GRB2: variants seen among roughly 807,000 people sequenced by gnomAD.
The protein encoded by GRB2 is growth factor receptor-bound protein 2.
Under a neutral mutation model 27.4 loss-of-function variants are expected in GRB2, and 2 were observed. That is an observed-to-expected ratio of 0.07 (90% CI 0.03 to 0.23). GRB2 has a LOEUF of 0.23. Among genes scored for constraint, GRB2 ranks in the 10% least tolerant of loss-of-function variants. The probability of loss-of-function intolerance (pLI) is 1.00; values close to 1 mark genes in which losing one functional copy is unlikely to be tolerated. For synonymous variants in GRB2, 94 were observed against 99.6 expected, an observed-to-expected ratio of 0.94 and a Z score of 0.33; for missense variants, 102 against 282.4, an observed-to-expected ratio of 0.36 and a Z score of 4.58.
At chr17:75,332,131 T>C (rs1213728417) in intron 3 of GRB2, among the ~76,000 whole-genome samples, 2 of 152,112 alleles carry the variant, frequency 1.3e-5, no homozygotes, top group African/African-American at 4.8e-5. Context: ...AGGGGTCCAC[T>C]ATGTTGCGTT....
intron 3 of GRB2, among the ~76,000 whole-genome samples, chr17:75,332,378 T>C (rs1240402502): frequency 6.6e-6 from 1 of 152,094 alleles, no homozygotes; most frequent in Non-Finnish European, 1.5e-5. Flanking sequence ...AAGTACCTTT[T>C]CTAAAACTCA....
chr17:75,358,700 T>TA lies in GRB2; in HGVS notation c.79-25904dup, dbSNP rs71159497. Among the ~76,000 whole-genome samples the TA allele has an allele frequency of 4.3e-3, 284 of 66,272 alleles. 16 individuals are homozygous for TA. The highest frequency in any genetic ancestry group is 0.022 in the East Asian group (25 of 1,162). 43.5% of individuals were successfully genotyped at this position (66,272 alleles called of 152,430 possible). On this transcript the variant is annotated intron_variant, in intron 2 of 5. Coordinates refer to ENST00000316804, the MANE Select transcript of GRB2 (RefSeq NM_002086.5). ...CAACATGGCGAAATCCCATCTCTAC[T>TA]AAAAAAAAAAAAAAAAAAAAAAAAA...
At chr17:75,342,307 T>C (rs1000550243) in intron 2 of GRB2, among the ~76,000 whole-genome samples, 10 of 152,186 alleles carry the variant, frequency 6.6e-5, no homozygotes, top group Non-Finnish European at 1.0e-4. Flanking sequence ...TCACAGCTCT[T>C]AGTATGGTAT....
At chr17:75,336,355 T>C (rs1320332403) in intron 2 of GRB2, among the ~76,000 whole-genome samples, 1 of 152,226 alleles carries the variant, frequency 6.6e-6, no homozygotes, top group Non-Finnish European at 1.5e-5. Flanking sequence ...ACTTTTACTG[T>C]ATACACTTGT....
chr17:75,358,102 A>G (rs1161738177), intron 2 of GRB2, among the ~76,000 whole-genome samples: 1 of 152,216 alleles, frequency 6.6e-6, no homozygotes, highest in Non-Finnish European at 1.5e-5. Context: ...TGTAATCTAA[A>G]TGATGGTCTT....
At chr17:75,366,530 T>C (rs922279660) in intron 2 of GRB2, among the ~76,000 whole-genome samples, 16 of 144,984 alleles carry the variant, frequency 1.1e-4, no homozygotes, top group African/African-American at 4.0e-4. Context: ...CCAGCTGCCG[T>C]GGCTCACACT....
At chr17:75,321,601 C>A in intron 5 of GRB2, 58 bp downstream of exon 5, 1 of 1,519,284 alleles carries the variant, frequency 6.6e-7, no homozygotes, top group Non-Finnish European at 9.1e-7. Context: ...TACAGGAATG[C>A]ACACTGAGGA....
rs1300528503 is a variant in GRB2 at position 75,346,387 on chromosome 17, T to A, written c.79-13590A>T. On this transcript the variant is annotated intron_variant, in intron 2 of 5. Coordinates refer to ENST00000316804, the MANE Select transcript of GRB2 (RefSeq NM_002086.5). ...GGCGGGCGCCTGTAGTCCCAGCTAC[T>A]CGGGGGGCTGAGGCAGGAGAATCGC... Among the ~76,000 whole-genome samples, 9 of 151,644 alleles carry A rather than the reference T, an allele frequency of 5.9e-5. No individual in the cohort carries two copies. In the East Asian group the frequency reaches 1.8e-3, roughly 30 times the overall value.
chr17:75,328,317 C>G (rs778528485), intron 3 of GRB2, among the ~76,000 whole-genome samples: 10 of 149,532 alleles, frequency 6.7e-5, no homozygotes, highest in Non-Finnish European at 1.2e-4. Flanking sequence ...GAGTGAGACT[C>G]TGTCTCAAAA....
At chr17:75,334,898 G>A (rs920763171) in intron 2 of GRB2, among the ~76,000 whole-genome samples, 3 of 148,414 alleles carry the variant, frequency 2.0e-5, no homozygotes, top group African/African-American at 7.5e-5. Flanking sequence ...CTGCTGCCCA[G>A]TCTGGAGTAC....
intron 2 of GRB2, among the ~76,000 whole-genome samples, chr17:75,354,920 T>C (rs139025119): frequency 3.2e-4 from 48 of 152,264 alleles, no homozygotes; most frequent in African/African-American, 1.2e-3. Flanking sequence ...TCTCAGCACT[T>C]CGGGAGTCTC....
chr17:75,382,807 C>A (rs1407087933), intron 2 of GRB2, among the ~76,000 whole-genome samples: 1 of 152,166 alleles, frequency 6.6e-6, no homozygotes, highest in East Asian at 1.9e-4. Flanking sequence ...CTTCCGGGTT[C>A]ACGCCATTCT....
At chr17:75,357,844 C>A (rs2078743635) in intron 2 of GRB2, among the ~76,000 whole-genome samples, 1 of 152,192 alleles carries the variant, frequency 6.6e-6, no homozygotes. Context: ...CCGCTTGAAT[C>A]TGGGCAGCAG....
chr17:75,393,293 T>G (rs2079009757), intron 2 of GRB2: 1 of 536,290 alleles, frequency 1.9e-6, no homozygotes, highest in Admixed American at 3.6e-5. Flanking sequence ...TTACTTTGAC[T>G]TTACTTGAAA....
chr17:75,332,642 AGT>A (rs2078548996), intron 3 of GRB2, 56 bp downstream of exon 3: 1 of 926,498 alleles, frequency 1.1e-6, no homozygotes, highest in African/African-American at 1.6e-5. Flanking sequence ...TTTTAAAAAG[AGT>A]GTTTGAAACA....
intron 2 of GRB2, among the ~76,000 whole-genome samples, chr17:75,390,125 G>T (rs2078989335): frequency 6.6e-6 from 1 of 152,274 alleles, no homozygotes; most frequent in African/African-American, 2.4e-5. Context: ...GTGAACTCAA[G>T]ACCTGTTTTT....
At chr17:75,384,990 G>C (rs192892062) in intron 2 of GRB2, among the ~76,000 whole-genome samples, 1 of 115,774 alleles carries the variant, frequency 8.6e-6, no homozygotes, top group Non-Finnish European at 1.6e-5. Flanking sequence ...CCAGGAGTTC[G>C]AGACCAGCGT....
At chr17:75,379,692 T>C (rs1421405415) in intron 2 of GRB2, among the ~76,000 whole-genome samples, 1 of 152,140 alleles carries the variant, frequency 6.6e-6, no homozygotes, top group Non-Finnish European at 1.5e-5. Context: ...CCACACCTGG[T>C]CACTTGATTT....
chr17:75,356,600 T>G (rs1442801265), intron 2 of GRB2, among the ~76,000 whole-genome samples: 1 of 152,194 alleles, frequency 6.6e-6, no homozygotes, highest in Non-Finnish European at 1.5e-5. Context: ...CAAGTTTCCT[T>G]GTGCAGCTTT....
Sources: gnomAD v4.1 joint callset for allele counts (sites outside exome capture counted in the v4.1 genomes callset) on GRCh38, gnomAD v4.1.1 for gene constraint, MANE v1.5 for transcripts, NCBI Gene and HGNC (gene_info 2026-07-23, HGNC 2026-07-21) for gene names.